BMPR1A: variants seen among roughly 807,000 people sequenced by gnomAD.
BMPR1A encodes the protein bone morphogenetic protein receptor type 1A.
Under a neutral mutation model 66.0 loss-of-function variants are expected in BMPR1A, and 7 were observed. The observed-to-expected ratio is 0.11, with a 90% CI of 0.06 to 0.20. The LOEUF is 0.20. Among genes scored for constraint, BMPR1A ranks in the 10% least tolerant of loss-of-function variants. The probability of loss-of-function intolerance (pLI) is 1.00; values close to 1 mark genes in which losing one functional copy is unlikely to be tolerated. For synonymous variants in BMPR1A, 200 were observed against 229.7 expected (o/e 0.87, Z 1.17); for missense variants, 408 against 669.1 (o/e 0.61, Z 4.31).
chr10:86,855,278 C>G, intron 2 of BMPR1A: 3 of 1,088,268 alleles, frequency 2.8e-6, no homozygotes, highest in Non-Finnish European at 3.7e-6. Flanking sequence ...ACAAAAACCT[C>G]AGTTTCTTCT....
chr10:86,840,332 G>A (rs551523967), intron 2 of BMPR1A, among the ~76,000 whole-genome samples: 62 of 152,216 alleles, frequency 4.1e-4, no homozygotes, highest in East Asian at 1.2e-3. Flanking sequence ...CGTAACTCTC[G>A]AATTCTTTTG....
chr10:86,762,516 C>T (rs992910478), intron 1 of BMPR1A, among the ~76,000 whole-genome samples: 1 of 152,154 alleles, frequency 6.6e-6, no homozygotes, highest in Admixed American at 6.5e-5. Flanking sequence ...CCCGCCAATA[C>T]GCCTGGCTCC....
In BMPR1A at chr10:86,926,497, GC is replaced by G. The variant is rs1217076766; in HGVS notation, c.*2779del. The G allele has an allele frequency of 6.1e-6, 1 of 164,390 alleles. No homozygotes were observed. Among genetic ancestry groups the G allele is most frequent in the South Asian group, 2.0e-4 (1 of 4,936 alleles). The allele number at this position is 164,390 out of a possible 1,614,324, so 10.2% of individuals were successfully genotyped here. ...ATCGTGTCACTGCACTCCAGCCTGG[GC>G]AAAAGAGCGAAACTCCATCTCAAAT... On this transcript the variant is annotated 3_prime_UTR_variant, in exon 13 of 13. Transcript: ENST00000372037.
chr10:86,859,339 T>A (rs745512935), intron 2 of BMPR1A, among the ~76,000 whole-genome samples: 1 of 152,104 alleles, frequency 6.6e-6, no homozygotes. Context: ...ATTATTATTA[T>A]TTTTTGAAGT....
chr10:86,798,690 T>C lies in BMPR1A; in HGVS notation c.-267-40175T>C, dbSNP rs568571490. On this transcript the variant is annotated intron_variant, in intron 1 of 12. Transcript: ENST00000372037. ...TAAGGGAGCAGTTTGTCTTTCTACC[T>C]TTCCAATTGTATTGAGATTTTGCCC... Among the ~76,000 whole-genome samples the C allele has an allele frequency of 2.6e-5, 4 of 152,358 alleles. No individual in the cohort carries two copies. The East Asian group carries it at 7.7e-4, about 29-fold the overall frequency.
intron 2 of BMPR1A, among the ~76,000 whole-genome samples, chr10:86,862,978 C>CTT (rs11405359): frequency 1.1e-4 from 15 of 139,888 alleles, no homozygotes; most frequent in East Asian, 2.0e-4. Context: ...TTTGAGCTGC[C>CTT]TTTTTTTTTT....
chr10:86,835,902 TTAA>T (rs566814600), intron 1 of BMPR1A, among the ~76,000 whole-genome samples: 22 of 152,362 alleles, frequency 1.4e-4, no homozygotes, highest in African/African-American at 4.6e-4. Context: ...CAAATAATTA[TTAA>T]TGTTGAAGAA....
At chr10:86,813,901 A>G (rs1706340589) in intron 1 of BMPR1A, among the ~76,000 whole-genome samples, 1 of 152,208 alleles carries the variant, frequency 6.6e-6, no homozygotes, top group African/African-American at 2.4e-5. Flanking sequence ...GTATGTTGAT[A>G]ATATGTATAA....
chr10:86,863,791 G>GAA (rs1480725623), intron 2 of BMPR1A, among the ~76,000 whole-genome samples: 110 of 152,186 alleles, frequency 7.2e-4, no homozygotes, highest in Admixed American at 1.1e-3. Context: ...TATGCTTAGT[G>GAA]TAAGAGCCTC....
chr10:86,790,731 G>A (rs1355641006), intron 1 of BMPR1A, among the ~76,000 whole-genome samples: 1 of 152,242 alleles, frequency 6.6e-6, no homozygotes, highest in East Asian at 1.9e-4. Flanking sequence ...TTTATGAAAG[G>A]TCCGGAAAAG....
intron 8 of BMPR1A, among the ~76,000 whole-genome samples, chr10:86,915,667 G>T (rs1372089674): frequency 6.6e-6 from 1 of 152,132 alleles, no homozygotes; most frequent in Non-Finnish European, 1.5e-5. Context: ...GGCAGAAGTT[G>T]CAGTGAGCTG....
At chr10:86,807,372 G>C (rs1841902253) in intron 1 of BMPR1A, among the ~76,000 whole-genome samples, 1 of 152,012 alleles carries the variant, frequency 6.6e-6, no homozygotes, top group East Asian at 1.9e-4. Context: ...GAAATGCATA[G>C]TTCTTTTTTG....
At position 86,923,623 on chromosome 10, in the gene BMPR1A, A is replaced by G. The variant is rs1413602483; in HGVS notation, c.1503A>G (p.Ser501=). Residue 501 remains serine, a synonymous_variant, in exon 13 of 13, where the codon TCA becomes TCG. Coordinates refer to ENST00000372037, the MANE Select transcript of BMPR1A (RefSeq NM_004329.3). ...ECLRAVLKLM[S]ECWAHNPASR... The stretch of plus-strand genomic sequence containing the variant: ...TACGAGCAGTTTTGAAGCTAATGTC[A>G]GAATGCTGGGCCCACAATCCAGCCT... 2 of 1,614,114 alleles carry G rather than the reference A, an allele frequency of 1.2e-6. No homozygotes were observed. Among genetic ancestry groups the G allele is most frequent in the East Asian group, 2.2e-5 (1 of 44,904 alleles).
chr10:86,826,411 A>AACACAC (rs34389289), intron 1 of BMPR1A, among the ~76,000 whole-genome samples: 2,230 of 147,020 alleles, frequency 0.015, 37 homozygotes, highest in African/African-American at 0.042. Context: ...CAATCAAGGA[A>AACACAC]ACACACACAC....
chr10:86,919,083 TA>T (rs1843619095), intron 9 of BMPR1A, 88 bp from the exon 10 acceptor site: 1 of 1,464,028 alleles, frequency 6.8e-7, no homozygotes, highest in Non-Finnish European at 9.6e-7. Flanking sequence ...ACATGATACC[TA>T]AGTTTTTCTC....
At chr10:86,762,006 T>C (rs1327294788) in intron 1 of BMPR1A, among the ~76,000 whole-genome samples, 1 of 152,152 alleles carries the variant, frequency 6.6e-6, no homozygotes, top group Non-Finnish European at 1.5e-5. Flanking sequence ...CATTGCTGTA[T>C]AGATTTTATA....
At chr10:86,802,308 T>A (rs1442348881) in intron 1 of BMPR1A, among the ~76,000 whole-genome samples, 1 of 152,198 alleles carries the variant, frequency 6.6e-6, no homozygotes, top group Non-Finnish European at 1.5e-5. Context: ...CTGTGTACAG[T>A]GAGTATCATA....
intron 2 of BMPR1A, among the ~76,000 whole-genome samples, chr10:86,874,852 G>A (rs1842900296): frequency 6.6e-6 from 1 of 150,488 alleles, no homozygotes; most frequent in African/African-American, 2.5e-5. Flanking sequence ...AGCCTCCTGA[G>A]TAGCTGGGAT....
chr10:86,796,242 T>C (rs938949896), intron 1 of BMPR1A, among the ~76,000 whole-genome samples: 1 of 152,186 alleles, frequency 6.6e-6, no homozygotes. Context: ...AAAGTTTAAA[T>C]GTATTTCATA....
Sources: allele counts gnomAD v4.1 joint callset (sites outside exome capture counted in the v4.1 genomes callset), GRCh38; gene constraint gnomAD v4.1.1; transcripts MANE v1.5; gene names NCBI Gene and HGNC (gene_info 2026-07-23, HGNC 2026-07-21).